Variants in CASTOR2 observed in about 807,000 individuals in gnomAD.
CASTOR2 encodes the protein cytosolic arginine sensor for mTORC1 subunit 2.
In CASTOR2, 8 loss-of-function variants were observed where a neutral mutation model predicts 31.2. That is an observed-to-expected ratio of 0.26 (90% CI 0.15 to 0.46). The LOEUF (loss-of-function observed/expected upper bound fraction) is 0.46, where lower values mean the gene tolerates loss of function less well. Among genes scored for constraint, CASTOR2 ranks in the 20% least tolerant of loss-of-function variants. CASTOR2 has a pLI of 0.99. For missense variants in CASTOR2, 216 were observed against 382.1 expected (o/e 0.57, Z 3.62); for synonymous variants, 162 against 158.7 (o/e 1.02, Z -0.16).
intron 1 of CASTOR2, among the ~76,000 whole-genome samples, chr7:74,988,906 G>A (rs1584463587): frequency 1.4e-5 from 2 of 143,806 alleles, no homozygotes; most frequent in Non-Finnish European, 3.0e-5. Context: ...AAGATATTCT[G>A]TGTTTCTATT....
intron 1 of CASTOR2, among the ~76,000 whole-genome samples, chr7:75,006,704 T>C (rs1260858827): frequency 6.6e-6 from 1 of 152,166 alleles, no homozygotes; most frequent in Non-Finnish European, 1.5e-5. Context: ...TCCCTCATAC[T>C]GTTCTCCTGG....
At chr7:74,984,263 A>G (rs1349150988) in intron 1 of CASTOR2, among the ~76,000 whole-genome samples, 7 of 150,208 alleles carry the variant, frequency 4.7e-5, no homozygotes, top group African/African-American at 1.7e-4. Context: ...TAAGGCAGGC[A>G]GGCAGGTATT....
intron 1 of CASTOR2, among the ~76,000 whole-genome samples, chr7:74,986,516 A>G (rs1278463136): frequency 3.3e-5 from 5 of 150,672 alleles, no homozygotes; most frequent in African/African-American, 1.2e-4. Flanking sequence ...AAAAGAAAAG[A>G]AAAAAAAAGA....
intron 2 of CASTOR2, among the ~76,000 whole-genome samples, chr7:75,015,475 G>T (rs1483090820): frequency 6.6e-6 from 1 of 151,756 alleles, no homozygotes; most frequent in South Asian, 2.1e-4. Flanking sequence ...ATGGGGTCTC[G>T]CTACGTTCTC....
At chr7:75,020,174 T>G in intron 6 of CASTOR2, 25 bp downstream of exon 6, 1 of 1,549,624 alleles carries the variant, frequency 6.5e-7, no homozygotes. Flanking sequence ...GGGGTGGACG[T>G]TCAACCCAGG....
chr7:74,989,276 TTG>T (rs1491068808), intron 1 of CASTOR2, among the ~76,000 whole-genome samples: 30 of 132,228 alleles, frequency 2.3e-4, no homozygotes, highest in Non-Finnish European at 3.9e-4. Flanking sequence ...TTTTTTTTTT[TTG>T]AGACAGGATC....
chr7:75,020,509 T>A (rs1404046938), intron 6 of CASTOR2, among the ~76,000 whole-genome samples: 15 of 137,206 alleles, frequency 1.1e-4, no homozygotes, highest in African/African-American at 3.8e-4. Context: ...TTTTTTTTTT[T>A]AGACGGAGTC....
chr7:75,007,850 A>G, intron 1 of CASTOR2, 144 bp from the exon 2 acceptor site: 3 of 1,047,160 alleles, frequency 2.9e-6, no homozygotes, highest in African/African-American at 1.6e-5. Flanking sequence ...AGGGAGAGAT[A>G]AACAACTTAC....
At chr7:75,021,759 C>G (rs1204383534) in intron 6 of CASTOR2, 115 bp from the exon 7 acceptor site, 16 of 1,320,472 alleles carry the variant, frequency 1.2e-5, no homozygotes, top group Non-Finnish European at 1.7e-5. Context: ...GCCCTGAGGT[C>G]TGCCCAACCC....
intron 4 of CASTOR2, 138 bp downstream of exon 4, chr7:75,018,260 C>G: frequency 4.1e-6 from 6 of 1,477,798 alleles, no homozygotes; most frequent in Non-Finnish European, 5.5e-6. Context: ...ATGCAAAGGG[C>G]CCAGTGTGGT....
intron 1 of CASTOR2, among the ~76,000 whole-genome samples, chr7:74,988,289 C>T (rs1278312021): frequency 5.3e-5 from 8 of 151,630 alleles, no homozygotes; most frequent in South Asian, 2.1e-4. Context: ...CCACCACACC[C>T]GACTTATTTA....
At chr7:75,011,299 C>T (rs1361654491) in intron 2 of CASTOR2, among the ~76,000 whole-genome samples, 4 of 151,684 alleles carry the variant, frequency 2.6e-5, no homozygotes, top group Non-Finnish European at 5.9e-5. Context: ...CATGGGGACA[C>T]ATGCCTGTAG....
At chr7:74,975,302 G>T (rs1296410815) in intron 1 of CASTOR2, among the ~76,000 whole-genome samples, 6 of 150,822 alleles carry the variant, frequency 4.0e-5, no homozygotes, top group African/African-American at 9.7e-5. Context: ...GTACAGAGGG[G>T]GTCTCACTCT....
In CASTOR2 at chr7:75,026,739, T is replaced by C. The variant is rs1216630744; in HGVS notation, c.*2040T>C. Among the ~76,000 whole-genome samples the C allele has an allele frequency of 6.6e-6, 1 of 151,788 alleles. No homozygotes were observed. Among genetic ancestry groups the C allele is most frequent in the Non-Finnish European group, 1.5e-5 (1 of 67,952 alleles). On this transcript the variant is annotated 3_prime_UTR_variant, in exon 9 of 9. Coordinates refer to ENST00000616305, the MANE Select transcript of CASTOR2 (RefSeq NM_001145064.3). ...TACATTGCTGGTCCCAAAAGGGAGG[T>C]GGCCAAGTGGGGCAGGGCTGTGGTG...
chr7:74,975,640 C>G (rs1227869746), intron 1 of CASTOR2, among the ~76,000 whole-genome samples: 29 of 107,086 alleles, frequency 2.7e-4, no homozygotes, highest in African/African-American at 9.1e-4. Flanking sequence ...GGCGTGAAGC[C>G]GAGATCGCGC....
chr7:75,014,439 AAG>A (rs1312302718), intron 2 of CASTOR2, among the ~76,000 whole-genome samples: 4 of 150,988 alleles, frequency 2.6e-5, no homozygotes, highest in Admixed American at 2.6e-4. Flanking sequence ...AAAAAAAAAA[AAG>A]TAGAGCCAGG....
chr7:75,018,195 C>T, intron 4 of CASTOR2, 73 bp downstream of exon 4: 12 of 1,570,838 alleles, frequency 7.6e-6, no homozygotes, highest in Non-Finnish European at 1.0e-5. Context: ...ACCAGCCTTA[C>T]TCTCAGCACG....
intron 1 of CASTOR2, among the ~76,000 whole-genome samples, chr7:74,975,724 A>G (rs1554435642): frequency 7.4e-6 from 1 of 135,772 alleles, no homozygotes; most frequent in East Asian, 2.3e-4. Flanking sequence ...GGATACCTCC[A>G]CCCCCCTCTC....
At chr7:75,014,829 G>C (rs1224060711) in intron 2 of CASTOR2, among the ~76,000 whole-genome samples, 1 of 152,196 alleles carries the variant, frequency 6.6e-6, no homozygotes, top group Non-Finnish European at 1.5e-5. Context: ...GAGACTCCTA[G>C]TGGCAGAGTC....
Sources: gnomAD v4.1 joint callset for allele counts (sites outside exome capture counted in the v4.1 genomes callset) on GRCh38, gnomAD v4.1.1 for gene constraint, MANE v1.5 for transcripts, NCBI Gene and HGNC (gene_info 2026-07-23, HGNC 2026-07-21) for gene names.